Variants in NR1H4 observed in about 807,000 individuals in gnomAD.
NR1H4 encodes nuclear receptor subfamily 1 group H member 4.
A neutral mutation model predicts 58.5 loss-of-function variants in NR1H4; 23 were observed. The observed-to-expected ratio is 0.39, with a 90% CI of 0.28 to 0.56. The LOEUF (loss-of-function observed/expected upper bound fraction) is 0.56. NR1H4 is among the 20% of genes least tolerant of loss of function. The pLI, the probability that NR1H4 is intolerant of heterozygous loss-of-function variation, is 0.58. For missense variants in NR1H4, 487 were observed against 576.9 expected (o/e 0.84, Z 1.60); for synonymous variants, 214 against 198.0 (o/e 1.08, Z -0.68).
Position 100,525,812 on chromosome 12 carries a change from T to A in NR1H4, c.446-6646T>A, listed in dbSNP as rs142041334. ...TTCATTATTGATTCAATTTCTTTAA[T>A]AGTATAGGCCTATTTTGATGACCAA... On this transcript the variant is annotated intron_variant, in intron 4 of 10. Coordinates refer to ENST00000392986, the MANE Select transcript of NR1H4 (RefSeq NM_001206979.2). Among the ~76,000 whole-genome samples, 275 of 152,334 alleles carry A rather than the reference T, an allele frequency of 1.8e-3. 5 individuals carry two copies. Among genetic ancestry groups the A allele is most frequent in the East Asian group, 0.015 (80 of 5,184 alleles).
chr12:100,486,145 A>G (rs1953487150), intron 1 of NR1H4, among the ~76,000 whole-genome samples: 1 of 152,140 alleles, frequency 6.6e-6, no homozygotes, highest in African/African-American at 2.4e-5. Flanking sequence ...CTGAGTGAGT[A>G]GTTCCAGGTC....
intron 4 of NR1H4, among the ~76,000 whole-genome samples, chr12:100,513,814 AAGGAAGGAAGGAAG>A (rs1160694849): frequency 4.0e-5 from 1 of 24,756 alleles, no homozygotes; most frequent in Non-Finnish European, 9.7e-5. Context: ...GGAAGGAAGG[AAGGAAGGAAGGAAG>A]GAAGGAAGGA....
intron 4 of NR1H4, among the ~76,000 whole-genome samples, chr12:100,512,267 T>G (rs1293556326): frequency 6.6e-6 from 1 of 151,970 alleles, no homozygotes; most frequent in Non-Finnish European, 1.5e-5. Flanking sequence ...GTAATACAGT[T>G]CTGTTATGGA....
chr12:100,504,049 G>A (rs985640128), intron 3 of NR1H4, among the ~76,000 whole-genome samples: 5 of 151,832 alleles, frequency 3.3e-5, no homozygotes, highest in East Asian at 1.9e-4. Flanking sequence ...ATCTAAAACC[G>A]TAGGTTGTGG....
At chr12:100,482,384 C>T (rs977482591) in intron 1 of NR1H4, among the ~76,000 whole-genome samples, 4 of 152,034 alleles carry the variant, frequency 2.6e-5, no homozygotes, top group African/African-American at 7.3e-5. Flanking sequence ...CTAAGCAAGA[C>T]TGATTCTAAA....
At chr12:100,478,689 T>C (rs7959056) in intron 1 of NR1H4, among the ~76,000 whole-genome samples, 7,412 of 152,244 alleles carry the variant, frequency 0.049, 582 homozygotes, top group African/African-American at 0.17. Context: ...CTGTTGATGG[T>C]TTTTTAGGTG....
intron 9 of NR1H4, among the ~76,000 whole-genome samples, chr12:100,543,761 A>T (rs942325911): frequency 6.6e-6 from 1 of 152,152 alleles, no homozygotes; most frequent in African/African-American, 2.4e-5. Flanking sequence ...AATAATTGAC[A>T]GTTCAACTTA....
intron 3 of NR1H4, among the ~76,000 whole-genome samples, chr12:100,502,423 T>C (rs1353152781): frequency 6.6e-6 from 1 of 152,216 alleles, no homozygotes; most frequent in Non-Finnish European, 1.5e-5. Context: ...GGCTCTCTCC[T>C]TGGCCCACAG....
chr12:100,532,693 C>G, intron 5 of NR1H4, 83 bp downstream of exon 5: 1 of 1,283,792 alleles, frequency 7.8e-7, no homozygotes. Context: ...AGTGCTACTT[C>G]ACATATTAAA....
At chr12:100,541,827 C>A (rs929103523) in intron 9 of NR1H4, among the ~76,000 whole-genome samples, 2 of 151,536 alleles carry the variant, frequency 1.3e-5, no homozygotes, top group African/African-American at 4.8e-5. Context: ...GGACTCCTGG[C>A]CTCGAGTGAT....
At chr12:100,484,513 G>A (rs1953449130) in intron 1 of NR1H4, among the ~76,000 whole-genome samples, 1 of 152,128 alleles carries the variant, frequency 6.6e-6, no homozygotes, top group South Asian at 2.1e-4. Context: ...GAAGACTTAG[G>A]TTACAGCATT....
At chr12:100,517,455 C>T (rs1000126156) in intron 4 of NR1H4, among the ~76,000 whole-genome samples, 9 of 152,160 alleles carry the variant, frequency 5.9e-5, no homozygotes, top group Non-Finnish European at 1.2e-4. Context: ...AGGTTGATCC[C>T]CTATCTTGGC....
In NR1H4 at chr12:100,542,762, G is replaced by A. The variant is rs1326330352; in HGVS notation, c.1078+1944G>A. ...AAATGGAAAATTATTTTTAAAGGCAGTTTCTCCATAGTCATTATGTTTTTT... is the reference window on the plus strand; with the variant it reads ...AAATGGAAAATTATTTTTAAAGGCAATTTCTCCATAGTCATTATGTTTTTT... On this transcript the variant is annotated intron_variant, in intron 9 of 10. Coordinates refer to ENST00000392986, the MANE Select transcript of NR1H4 (RefSeq NM_001206979.2). Among the ~76,000 whole-genome samples, 3 of 152,100 alleles carry A rather than the reference G, an allele frequency of 2.0e-5. No homozygotes were observed. In the East Asian group the frequency reaches 5.8e-4, roughly 29 times the overall value.
At chr12:100,534,789 A>T in intron 5 of NR1H4, 101 bp from the exon 6 acceptor site, 1 of 1,352,806 alleles carries the variant, frequency 7.4e-7, no homozygotes, top group Non-Finnish European at 1.1e-6. Flanking sequence ...GTGCCATTGC[A>T]TAGGGGATCT....
chr12:100,510,607 T>TTATA (rs34480475), intron 3 of NR1H4, among the ~76,000 whole-genome samples, 171 bp from the exon 4 acceptor site: 5,445 of 133,538 alleles, frequency 0.041, 117 homozygotes, highest in Middle Eastern at 0.057. Context: ...TCATTTAATT[T>TTATA]TATATATATA....
intron 4 of NR1H4, among the ~76,000 whole-genome samples, chr12:100,529,947 G>T (rs868488316): frequency 4.6e-5 from 7 of 152,080 alleles, no homozygotes; most frequent in Admixed American, 4.6e-4. Context: ...CTTAAATGTG[G>T]CACAATCTTT....
chr12:100,503,042 C>T lies in NR1H4; in HGVS notation c.80-7736C>T, dbSNP rs114212285. 4.5e-3 allele frequency among the ~76,000 whole-genome samples: 691 copies of T among 152,260 alleles called. 6 individuals carry two copies. Among genetic ancestry groups the T allele is most frequent in the African/African-American group, 0.016 (650 of 41,566 alleles). The stretch of plus-strand genomic sequence containing the variant: ...ATCAAGCATTATGCTTTAAATTCTT[C>T]CATTTTAAATCATACCATTCCATTT... On this transcript the variant is annotated intron_variant, in intron 3 of 10. Coordinates refer to ENST00000392986, the MANE Select transcript of NR1H4 (RefSeq NM_001206979.2).
At position 100,485,045 on chromosome 12, in the gene NR1H4, T is replaced by C. The variant is rs1345811906; in HGVS notation, c.-189-7458T>C. On this transcript the variant is annotated intron_variant, in intron 1 of 10. Transcript: ENST00000392986. ...AACAAAATAGAGTAATATAATCAAC[T>C]TCCTTGTATTTATTGCTCAACTTAG... Among the ~76,000 whole-genome samples, 4 of 152,204 alleles carry C rather than the reference T, an allele frequency of 2.6e-5. No homozygotes were observed. In the East Asian group the frequency reaches 7.7e-4, roughly 29 times the overall value.
intron 8 of NR1H4, among the ~76,000 whole-genome samples, chr12:100,538,349 G>A (rs1203824068): frequency 1.3e-5 from 2 of 152,028 alleles, no homozygotes; most frequent in African/African-American, 4.8e-5. Context: ...CAGGCAACAG[G>A]GCTTGAAATA....
Sources: gnomAD v4.1 joint callset for allele counts (sites outside exome capture counted in the v4.1 genomes callset) on GRCh38, gnomAD v4.1.1 for gene constraint, MANE v1.5 for transcripts, NCBI Gene and HGNC (gene_info 2026-07-23, HGNC 2026-07-21) for gene names.